KCNIP4: variants seen among roughly 807,000 people sequenced by gnomAD.
KCNIP4 encodes Kv channel-interacting protein 4.
In KCNIP4, 12 loss-of-function variants were observed where a neutral mutation model predicts 34.0. The ratio of observed to expected loss-of-function variants is 0.35; its 90% confidence interval spans 0.23 to 0.57. KCNIP4 has a LOEUF of 0.57. Among genes scored for constraint, KCNIP4 ranks in the 20% least tolerant of loss-of-function variants. The probability of loss-of-function intolerance (pLI) is 0.83; values close to 1 mark genes in which losing one functional copy is unlikely to be tolerated. For synonymous variants in KCNIP4, 124 were observed against 102.2 expected, an observed-to-expected ratio of 1.21 and a Z score of -1.29; for missense variants, 238 against 311.7, an observed-to-expected ratio of 0.76 and a Z score of 1.78.
At chr4:21,860,333 T>A (rs1170656673) in intron 1 of KCNIP4, among the ~76,000 whole-genome samples, 1 of 151,924 alleles carries the variant, frequency 6.6e-6, no homozygotes, top group Non-Finnish European at 1.5e-5. Context: ...AGGGTTTCAC[T>A]ATGTTAGCCA....
chr4:20,772,996 C>T lies in KCNIP4; in HGVS notation c.289-14106G>A, dbSNP rs1464910796. 2.0e-5 allele frequency among the ~76,000 whole-genome samples: 3 copies of T among 151,948 alleles called. No individual in the cohort carries two copies. In the South Asian group the frequency reaches 6.2e-4, roughly 32 times the overall value. ...GTTTGTCCCTCTTGCACAAGTTTTT[C>T]CCTCAGTGAGCTACCATTTCCAGGA... On this transcript the variant is annotated intron_variant, in intron 3 of 8. Coordinates refer to ENST00000382152, the MANE Select transcript of KCNIP4 (RefSeq NM_025221.6).
chr4:21,205,596 A>G (rs1178349657), intron 1 of KCNIP4, among the ~76,000 whole-genome samples: 3 of 152,236 alleles, frequency 2.0e-5, no homozygotes, highest in Non-Finnish European at 2.9e-5. Flanking sequence ...GACTATATTT[A>G]ACAAATACTT....
intron 1 of KCNIP4, among the ~76,000 whole-genome samples, chr4:21,674,832 A>C (rs2109014368): frequency 6.6e-6 from 1 of 152,258 alleles, no homozygotes; most frequent in South Asian, 2.1e-4. Context: ...GTTTTGCCAC[A>C]CCTGAGTAAC....
At chr4:21,012,366 T>A (rs62293771) in intron 1 of KCNIP4, among the ~76,000 whole-genome samples, 9,254 of 152,112 alleles carry the variant, frequency 0.061, 369 homozygotes, top group East Asian at 0.18. Context: ...ATCGCTTGAG[T>A]CCAGGAGTTC....
intron 1 of KCNIP4, among the ~76,000 whole-genome samples, chr4:21,499,723 T>G (rs1410709643): frequency 1.3e-5 from 2 of 152,140 alleles, no homozygotes; most frequent in Admixed American, 1.3e-4. Context: ...ATGAAAAAAT[T>G]TCTTTTTCAG....
intron 1 of KCNIP4, among the ~76,000 whole-genome samples, chr4:21,589,245 T>C (rs1381002751): frequency 7.2e-6 from 1 of 139,454 alleles, no homozygotes; most frequent in East Asian, 2.1e-4. Flanking sequence ...GATACATATA[T>C]ACATATATGT....
chr4:21,584,534 C>A (rs183756815), intron 1 of KCNIP4, among the ~76,000 whole-genome samples: 415 of 152,066 alleles, frequency 2.7e-3, no homozygotes, highest in Non-Finnish European at 4.3e-3. Context: ...GTATAGAGAG[C>A]AAATTGGCCA....
intron 1 of KCNIP4, among the ~76,000 whole-genome samples, chr4:21,067,625 G>A (rs1006576094): frequency 2.6e-5 from 4 of 151,912 alleles, no homozygotes; most frequent in Non-Finnish European, 5.9e-5. Context: ...TAGAGCCCTT[G>A]GTCCATGAGT....
At chr4:21,674,925 C>T (rs918162136) in intron 1 of KCNIP4, among the ~76,000 whole-genome samples, 1 of 152,056 alleles carries the variant, frequency 6.6e-6, no homozygotes, top group Non-Finnish European at 1.5e-5. Flanking sequence ...TATAAAATTA[C>T]TGTTTTTCAT....
At position 20,734,451 on chromosome 4, in the gene KCNIP4, G is replaced by A. The variant is rs950154440; in HGVS notation, c.537+177C>T. Reference sequence around the variant, plus strand: ...TTATGTGTTATATATTTACTTTGGAGCTTCACCATAAACTACTTCTATCCC... The same window carrying A: ...TTATGTGTTATATATTTACTTTGGAACTTCACCATAAACTACTTCTATCCC... On this transcript the variant is annotated intron_variant, in intron 6 of 8. Coordinates refer to ENST00000382152, the MANE Select transcript of KCNIP4 (RefSeq NM_025221.6). Among the ~76,000 whole-genome samples, 8 of 152,266 alleles carry A rather than the reference G, an allele frequency of 5.3e-5. No individual in the cohort carries two copies. The South Asian group carries it at 1.5e-3, about 28-fold the overall frequency.
At chr4:21,296,204 T>A (rs1449418521) in intron 1 of KCNIP4, among the ~76,000 whole-genome samples, 5 of 151,384 alleles carry the variant, frequency 3.3e-5, no homozygotes, top group Non-Finnish European at 7.4e-5. Context: ...CAAGTCACCA[T>A]CAGAACCAGT....
chr4:20,905,473 T>C (rs1442814298), intron 1 of KCNIP4, among the ~76,000 whole-genome samples: 1 of 150,650 alleles, frequency 6.6e-6, no homozygotes, highest in Non-Finnish European at 1.5e-5. Context: ...ATATTATTGG[T>C]ATTTAATATT....
chr4:21,223,493 G>A (rs1043210610), intron 1 of KCNIP4, among the ~76,000 whole-genome samples: 22 of 152,162 alleles, frequency 1.4e-4, no homozygotes, highest in South Asian at 1.0e-3. Context: ...CATATGAATC[G>A]TCTCAGCAGT....
At chr4:21,320,667 G>A (rs1462817070) in intron 1 of KCNIP4, among the ~76,000 whole-genome samples, 2 of 152,164 alleles carry the variant, frequency 1.3e-5, no homozygotes, top group African/African-American at 2.4e-5. Flanking sequence ...CTGTACATGA[G>A]ATATGACAGT....
At chr4:21,286,728 A>G (rs916905613) in intron 1 of KCNIP4, among the ~76,000 whole-genome samples, 3 of 152,208 alleles carry the variant, frequency 2.0e-5, no homozygotes, top group African/African-American at 7.2e-5. Flanking sequence ...ATAAAATAGT[A>G]TCCTTATTTT....
chr4:21,908,874 A>G (rs1422474990), intron 1 of KCNIP4, among the ~76,000 whole-genome samples: 1 of 152,180 alleles, frequency 6.6e-6, no homozygotes, highest in African/African-American at 2.4e-5. Context: ...GAGAATGGAG[A>G]ATGAACACTG....
At chr4:20,945,396 C>T (rs778883840) in intron 1 of KCNIP4, among the ~76,000 whole-genome samples, 1 of 152,132 alleles carries the variant, frequency 6.6e-6, no homozygotes, top group Non-Finnish European at 1.5e-5. Context: ...AACATTTAGC[C>T]CTATCTTGAA....
intron 1 of KCNIP4, among the ~76,000 whole-genome samples, chr4:21,768,035 A>ATT (rs1718540505): frequency 1.3e-5 from 2 of 152,138 alleles, no homozygotes; most frequent in Admixed American, 6.6e-5. Context: ...TATACACATC[A>ATT]TTCCTTAAAG....
chr4:20,861,191 C>T (rs527642671), intron 2 of KCNIP4, among the ~76,000 whole-genome samples: 14 of 152,252 alleles, frequency 9.2e-5, no homozygotes, highest in Non-Finnish European at 1.9e-4. Flanking sequence ...TTTGACCTCC[C>T]TGGATAGAGA....
Sources: allele counts gnomAD v4.1 joint callset (sites outside exome capture counted in the v4.1 genomes callset), GRCh38; gene constraint gnomAD v4.1.1; transcripts MANE v1.5; gene names NCBI Gene and HGNC (gene_info 2026-07-23, HGNC 2026-07-21).